Variants in UNC13B observed in about 807,000 individuals in gnomAD.
UNC13B encodes protein unc-13 homolog B.
In UNC13B, 144 loss-of-function variants were observed where a neutral mutation model predicts 211.0. That is an observed-to-expected ratio of 0.68 (90% CI 0.60 to 0.78). The LOEUF (loss-of-function observed/expected upper bound fraction) is 0.78. Ranked by LOEUF, UNC13B falls within the 30% of genes least tolerant of loss-of-function variation. UNC13B has a pLI of 0.00. For synonymous variants in UNC13B, 709 were observed against 725.8 expected (o/e 0.98, Z 0.37); for missense variants, 1,777 against 2,002.0 (o/e 0.89, Z 2.14).
chr9:35,226,908 C>T (rs1824878642), intron 1 of UNC13B, among the ~76,000 whole-genome samples: 1 of 152,272 alleles, frequency 6.6e-6, no homozygotes, highest in Admixed American at 6.5e-5. Context: ...AATAGAGTGT[C>T]ACATTACAGA....
At chr9:35,182,475 T>C (rs892092994) in intron 1 of UNC13B, among the ~76,000 whole-genome samples, 6 of 151,860 alleles carry the variant, frequency 4.0e-5, no homozygotes, top group Non-Finnish European at 7.4e-5. Context: ...TTTTTATTTT[T>C]ATTTTTTTTA....
chr9:35,184,561 A>G (rs183439294), intron 1 of UNC13B, among the ~76,000 whole-genome samples: 69 of 152,232 alleles, frequency 4.5e-4, no homozygotes, highest in African/African-American at 1.6e-3. Context: ...TACAAAAACC[A>G]GTCAGGCGTG....
At chr9:35,233,443 T>G (rs1825321638) in intron 3 of UNC13B, among the ~76,000 whole-genome samples, 1 of 152,110 alleles carries the variant, frequency 6.6e-6, no homozygotes, top group African/African-American at 2.4e-5. Context: ...TACACGTGGG[T>G]TTTATTAGCT....
At chr9:35,206,690 A>G (rs1433914765) in intron 1 of UNC13B, among the ~76,000 whole-genome samples, 1 of 152,122 alleles carries the variant, frequency 6.6e-6, no homozygotes, top group Non-Finnish European at 1.5e-5. Context: ...CCTGGCCAAC[A>G]TGGTGAAATC....
intron 37 of UNC13B, among the ~76,000 whole-genome samples, chr9:35,400,768 G>T (rs1836246358): frequency 6.6e-6 from 1 of 152,218 alleles, no homozygotes; most frequent in African/African-American, 2.4e-5. Flanking sequence ...GAAGCCTTGA[G>T]AATGAATGGA....
In UNC13B at chr9:35,396,561, G is replaced by A. The variant is rs141240425; in HGVS notation, c.11394G>A (p.Arg3798=). 311 of 1,613,986 alleles carry A rather than the reference G, an allele frequency of 1.9e-4. No individual in the cohort carries two copies. The highest frequency in any genetic ancestry group is 2.5e-4 in the East Asian group (11 of 44,890). ...KVKWLHNEYV[R]DLPVLQGQVP... is the part of the protein sequence containing the mutation. Reference sequence around the variant, plus strand: ...AGTGGCTCCACAATGAATACGTGCGGGATCTGCCTGTCCTCCAGGGGCAGG... The same window carrying A: ...AGTGGCTCCACAATGAATACGTGCGAGATCTGCCTGTCCTCCAGGGGCAGG... The change falls in exon 27 of 40, where the codon CGG becomes CGA. Residue 3798 remains arginine (R), a synonymous_variant. Transcript: ENST00000635942.
At position 35,310,529 on chromosome 9, in the gene UNC13B, G is replaced by A. The variant is rs772413377; in HGVS notation, c.9071G>A (p.Ser3024Asn). The A allele has an allele frequency of 1.9e-6, 3 of 1,614,020 alleles. No individual in the cohort carries two copies. The highest frequency in any genetic ancestry group is 2.2e-5 in the East Asian group (1 of 44,900). Residue 3024 changes from serine to asparagine, a missense_variant, in exon 10 of 40, where the codon AGT becomes AAT. Transcript: ENST00000635942. ...GTGAGTCAAGGAAGCTCTCAGCTAAGTGAACTAGACCAGTATCACGAACAA... is the reference window on the plus strand; with the variant it reads ...GTGAGTCAAGGAAGCTCTCAGCTAAATGAACTAGACCAGTATCACGAACAA... ...CNVSQGSSQL[S>N]ELDQYHEQDD... is the part of the protein sequence containing the mutation.
chr9:35,221,457 A>G (rs979213107), intron 1 of UNC13B, among the ~76,000 whole-genome samples: 2 of 152,050 alleles, frequency 1.3e-5, no homozygotes, highest in African/African-American at 4.8e-5. Flanking sequence ...GACTTGTCTG[A>G]GCTCCTTATA....
Position 35,304,498 on chromosome 9 carries a change from G to A in UNC13B, c.5094G>A (p.Glu1698=). ...NHVSSRDQII[E]RDKNQPLAED... ...TCTCAAGCAGAGATCAAATTATAGA[G>A]AGAGATAAAAACCAGCCTCTAGCTG... Residue 1698 remains glutamate (E), a synonymous_variant, in exon 9 of 40, where the codon GAG becomes GAA. Transcript: ENST00000635942. 5.0e-6 allele frequency: 2 copies of A among 398,706 alleles called. No individual in the cohort carries two copies. Among genetic ancestry groups the A allele is most frequent in the Non-Finnish European group, 8.9e-6 (2 of 225,888 alleles). The allele number at this position is 398,706 out of a possible 1,614,324, so 24.7% of individuals were successfully genotyped here. A position where few individuals can be genotyped will look rare whatever the true frequency, so the allele number is the denominator to read the frequency against.
chr9:35,170,672 A>G (rs1464005866), intron 1 of UNC13B, among the ~76,000 whole-genome samples: 1 of 151,592 alleles, frequency 6.6e-6, no homozygotes, highest in African/African-American at 2.4e-5. Context: ...GGGTCTTGCT[A>G]TGTTGCCCAG....
At chr9:35,177,359 G>A (rs1266039831) in intron 1 of UNC13B, among the ~76,000 whole-genome samples, 2 of 152,170 alleles carry the variant, frequency 1.3e-5, no homozygotes, top group East Asian at 1.9e-4. Flanking sequence ...GAATAAGACC[G>A]AGGAAGGGGC....
chr9:35,162,143 G>A lies in UNC13B; in HGVS notation c.-141G>A. 1 of 1,322,524 alleles carries A rather than the reference G, an allele frequency of 7.6e-7. No homozygotes were observed. The highest frequency in any genetic ancestry group is 1.0e-6 in the Non-Finnish European group (1 of 959,720). The allele number at this position is 1,322,524 out of a possible 1,614,324, so 81.9% of individuals were successfully genotyped here. A position where few individuals can be genotyped will look rare whatever the true frequency, so the allele number is the denominator to read the frequency against. On this transcript the variant is annotated 5_prime_UTR_variant, in exon 1 of 40. Coordinates refer to ENST00000635942, the MANE Select transcript of UNC13B (RefSeq NM_001371189.2). ...TGGGGCGGGTCCGAGGCAGCGGCGGGACGCTACCTGCGACCGGGACCATGA... is the reference window on the plus strand; with the variant it reads ...TGGGGCGGGTCCGAGGCAGCGGCGGAACGCTACCTGCGACCGGGACCATGA...
intron 2 of UNC13B, among the ~76,000 whole-genome samples, chr9:35,230,375 G>A (rs1231214381): frequency 6.7e-6 from 1 of 150,302 alleles, no homozygotes; most frequent in Non-Finnish European, 1.5e-5. Context: ...GGTAGCTGAG[G>A]CATGAGAATT....
At chr9:35,384,392 A>G (rs1464991373) in intron 22 of UNC13B, 78 bp downstream of exon 22, 15 of 1,542,158 alleles carry the variant, frequency 9.7e-6, no homozygotes, top group Non-Finnish European at 1.3e-5. Context: ...AATCTTGGCT[A>G]TAAAGATTGA....
intron 1 of UNC13B, among the ~76,000 whole-genome samples, chr9:35,202,207 T>A (rs1395591281): frequency 6.6e-6 from 1 of 152,204 alleles, no homozygotes; most frequent in Non-Finnish European, 1.5e-5. Flanking sequence ...GAGAGACAGT[T>A]TGTTATAATT....
At chr9:35,366,878 C>T (rs946749422) in intron 11 of UNC13B, 69 bp from the exon 12 acceptor site, 72 of 1,360,532 alleles carry the variant, frequency 5.3e-5, no homozygotes, top group South Asian at 3.2e-4. Context: ...CTCTACTGCT[C>T]GCTGCTCAGA....
chr9:35,326,589 G>A (rs888318873), intron 11 of UNC13B, among the ~76,000 whole-genome samples: 1 of 152,098 alleles, frequency 6.6e-6, no homozygotes, highest in South Asian at 2.1e-4. Flanking sequence ...GACAAGAGCT[G>A]TGTTGCCCAG....
intron 11 of UNC13B, among the ~76,000 whole-genome samples, chr9:35,359,073 T>C (rs1587692957): frequency 6.6e-6 from 1 of 152,208 alleles, no homozygotes; most frequent in East Asian, 1.9e-4. Flanking sequence ...GGTATCTAGT[T>C]GTCCCAGAAT....
In UNC13B at chr9:35,174,636, G is replaced by A. The variant is rs377364891; in HGVS notation, c.22+12331G>A. Among the ~76,000 whole-genome samples the A allele has an allele frequency of 1.4e-3, 215 of 151,218 alleles. 2 individuals carry two copies. In the South Asian group the frequency reaches 0.019, roughly 14 times the overall value. On this transcript the variant is annotated intron_variant, in intron 1 of 39. Coordinates refer to ENST00000635942, the MANE Select transcript of UNC13B (RefSeq NM_001371189.2). The stretch of plus-strand genomic sequence containing the variant: ...GATCTTGGCTCACTGCAAGCTCTGC[G>A]TCCCGGGTTCACGCCATTCTTCTGC...
Sources: allele counts gnomAD v4.1 joint callset (sites outside exome capture counted in the v4.1 genomes callset), GRCh38; gene constraint gnomAD v4.1.1; transcripts MANE v1.5; gene names NCBI Gene and HGNC (gene_info 2026-07-23, HGNC 2026-07-21).